PNPT1: variants seen among roughly 807,000 people sequenced by gnomAD.
The protein encoded by PNPT1 is polyribonucleotide nucleotidyltransferase 1.
PNPT1 carries 53 observed loss-of-function variants against 119.5 expected under a neutral mutation model. That is an observed-to-expected ratio of 0.44 (90% CI 0.36 to 0.56). The LOEUF (loss-of-function observed/expected upper bound fraction) is 0.56, where lower values mean the gene tolerates loss of function less well. PNPT1 is among the 20% of genes least tolerant of loss of function. The pLI, the probability that PNPT1 is intolerant of heterozygous loss-of-function variation, is 0.00. For missense variants in PNPT1, 948 were observed against 938.5 expected (o/e 1.01, Z -0.13); for synonymous variants, 357 against 322.1 (o/e 1.11, Z -1.16).
At chr2:55,678,284 T>C (rs1324363123) in intron 8 of PNPT1, among the ~76,000 whole-genome samples, 4 of 152,234 alleles carry the variant, frequency 2.6e-5, no homozygotes, top group African/African-American at 9.6e-5. Context: ...TCATCTATTA[T>C]TCATGGCTTC....
Position 55,693,190 on chromosome 2 carries a change from G to A in PNPT1, c.161+473C>T, listed in dbSNP as rs563187767. ...GGCTCCTGGTGAAGAGGAGGCTGAA[G>A]GAGCCCGAGGAGTGGGACGTGGGGG... is the stretch of plus-strand genomic sequence containing the variant. On this transcript the variant is annotated intron_variant, in intron 1 of 27. Transcript: ENST00000447944. 1.3e-3 allele frequency among the ~76,000 whole-genome samples: 195 copies of A among 152,336 alleles called. 1 individual carries two copies. Among genetic ancestry groups the A allele is most frequent in the Non-Finnish European group, 2.3e-3 (154 of 68,040 alleles).
At chr2:55,669,463 T>A (rs13001425) in intron 11 of PNPT1, among the ~76,000 whole-genome samples, 44 of 152,140 alleles carry the variant, frequency 2.9e-4, no homozygotes, top group African/African-American at 1.1e-3. Context: ...TTAGATTGTA[T>A]CTTCTTCAGA....
chr2:55,667,736 G>T, intron 12 of PNPT1, 126 bp downstream of exon 12: 2 of 1,237,596 alleles, frequency 1.6e-6, no homozygotes, highest in Non-Finnish European at 2.2e-6. Context: ...CATTTATATA[G>T]CAAATATTAT....
In PNPT1 at chr2:55,635,315, ATT is replaced by A. The variant is rs59973143; in HGVS notation, c.*920_*921del. 490 of 137,206 alleles carry A rather than the reference ATT, an allele frequency of 3.6e-3. 1 individual carries two copies. Among genetic ancestry groups the A allele is most frequent in the African/African-American group, 6.3e-3 (231 of 36,848 alleles). The allele number at this position is 137,206 out of a possible 1,614,324, so 8.5% of individuals were successfully genotyped here. ...CCTAGTTCAATTTGATAAGTAAACA[ATT>A]TTTTTTTTTTTTTTGAGACGGAGTT... On this transcript the variant is annotated 3_prime_UTR_variant, in exon 28 of 28. Transcript: ENST00000447944.
At chr2:55,666,959 A>T in intron 13 of PNPT1, 32 bp downstream of exon 13, 2 of 1,413,692 alleles carry the variant, frequency 1.4e-6, no homozygotes, top group African/African-American at 2.9e-5. Context: ...ATCTTAATTT[A>T]GCAAATAATT....
chr2:55,668,573 T>A (rs780895626), intron 11 of PNPT1, among the ~76,000 whole-genome samples: 1 of 151,514 alleles, frequency 6.6e-6, no homozygotes, highest in Non-Finnish European at 1.5e-5. Context: ...ACCAGAAGAA[T>A]CCAGTCAGCC....
At chr2:55,655,985 T>A in intron 17 of PNPT1, 146 bp downstream of exon 17, 1 of 963,664 alleles carries the variant, frequency 1.0e-6, no homozygotes, top group Non-Finnish European at 1.5e-6. Context: ...TTAAGACAAG[T>A]ATTTGATTAA....
intron 8 of PNPT1, among the ~76,000 whole-genome samples, chr2:55,673,473 G>C (rs1696975236): frequency 1.4e-5 from 2 of 147,206 alleles, no homozygotes; most frequent in South Asian, 2.1e-4. Context: ...TTTTGAGACA[G>C]AGTCTCACTC....
chr2:55,654,287 T>TTA (rs1180763716), intron 18 of PNPT1, among the ~76,000 whole-genome samples: 1 of 150,554 alleles, frequency 6.6e-6, no homozygotes, highest in African/African-American at 2.4e-5. Flanking sequence ...TCTCCTAGCA[T>TTA]AATGCTTTCG....
intron 10 of PNPT1, among the ~76,000 whole-genome samples, chr2:55,671,686 T>TAG (rs1696918535): frequency 6.6e-6 from 1 of 152,134 alleles, no homozygotes. Flanking sequence ...ATACAAAAGA[T>TAG]AGCTGAGTGT....
At chr2:55,664,665 C>T (rs538431233) in intron 13 of PNPT1, among the ~76,000 whole-genome samples, 7 of 152,156 alleles carry the variant, frequency 4.6e-5, no homozygotes, top group South Asian at 4.1e-4. Flanking sequence ...AATAAAATGA[C>T]GGTAAATTCA....
chr2:55,647,531 T>C lies in PNPT1; in HGVS notation c.1496-78A>G, dbSNP rs1035152613. 6 of 1,193,824 alleles carry C rather than the reference T, an allele frequency of 5.0e-6. 1 individual carries two copies. Among genetic ancestry groups the C allele is most frequent in the African/African-American group, 3.1e-5 (2 of 64,222 alleles). 74.0% of individuals were successfully genotyped at this position (1,193,824 alleles called of 1,614,324 possible). On this transcript the variant is annotated intron_variant, in intron 18 of 27. Coordinates refer to ENST00000447944, the MANE Select transcript of PNPT1 (RefSeq NM_033109.5). ...AAATATTTATCTATCAATTTTTTTT[T>C]TTTTTTGAGAGGGAGTCTCGGTCTG...
chr2:55,641,889 T>G (rs1031516205), intron 25 of PNPT1, among the ~76,000 whole-genome samples: 5 of 151,884 alleles, frequency 3.3e-5, no homozygotes, highest in African/African-American at 4.8e-5. Flanking sequence ...TCGCCCAGGC[T>G]GGAGTGCAGT....
At chr2:55,675,411 A>T (rs192615379) in intron 8 of PNPT1, among the ~76,000 whole-genome samples, 1 of 152,204 alleles carries the variant, frequency 6.6e-6, no homozygotes, top group Non-Finnish European at 1.5e-5. Context: ...ATGAGATGCT[A>T]TATCTAATAA....
chr2:55,684,896 A>G, intron 4 of PNPT1, 47 bp downstream of exon 4: 1 of 1,443,564 alleles, frequency 6.9e-7, no homozygotes, highest in East Asian at 2.4e-5. Context: ...AGAGATGCTA[A>G]CATAGGCATA....
rs1301042674 is a variant in PNPT1, at chr2:55,667,896, C to T, written c.1039G>A (p.Val347Ile). ...IESFNVVAKE[V>I]FRSIVLNEYK... ...TCATTCAAAACAATACTTCTAAAAA[C>T]TTCCTTTGCAACAACATTGAAGGAT... Residue 347 changes from valine to isoleucine, a missense_variant, in exon 12 of 28, where the codon GTT becomes ATT. By Grantham distance (29) the Val-to-Ile change is conservative. Coordinates refer to ENST00000447944, the MANE Select transcript of PNPT1 (RefSeq NM_033109.5). 4 of 1,586,288 alleles carry T rather than the reference C, an allele frequency of 2.5e-6. No individual in the cohort carries two copies. The highest frequency in any genetic ancestry group is 2.0e-5 in the Admixed American group (1 of 50,466).
At chr2:55,677,047 A>C (rs562831266) in intron 8 of PNPT1, among the ~76,000 whole-genome samples, 1 of 152,330 alleles carries the variant, frequency 6.6e-6, no homozygotes, top group Non-Finnish European at 1.5e-5. Flanking sequence ...TCTTTATGAA[A>C]GCAGAGAGAG....
At position 55,636,288 on chromosome 2, in the gene PNPT1, A is replaced by G. The variant is rs375464915; in HGVS notation, c.2301T>C (p.Ser767=). 4 of 1,613,594 alleles carry G rather than the reference A, an allele frequency of 2.5e-6. No individual in the cohort carries two copies. The highest frequency in any genetic ancestry group is 3.4e-6 in the Non-Finnish European group (4 of 1,179,726). The part of the protein sequence containing the change: ...TTVVRTLNDR[S]SIVMGEPISQ... The stretch of plus-strand genomic sequence containing the variant: ...AAATAGGTTCTCCCATTACAATACT[A>G]CTTCTGTCATTCAAAGTTCTGACCA... The change falls in exon 28 of 28, where the codon AGT becomes AGC. Residue 767 remains serine (S), a synonymous_variant. Coordinates refer to ENST00000447944, the MANE Select transcript of PNPT1 (RefSeq NM_033109.5).
rs558958886 is a variant in PNPT1, at chr2:55,642,569, G to A, written c.2069+589C>T. 6.2e-5 allele frequency among the ~76,000 whole-genome samples: 8 copies of A among 129,226 alleles called. 1 individual carries two copies. Among genetic ancestry groups the A allele is most frequent in the African/African-American group, 2.5e-4 (8 of 31,586 alleles). 84.8% of individuals were successfully genotyped at this position (129,226 alleles called of 152,430 possible). A position where few individuals can be genotyped will look rare whatever the true frequency, so the allele number is the denominator to read the frequency against. On this transcript the variant is annotated intron_variant, in intron 25 of 27. Transcript: ENST00000447944. ...TGCAGTGAGCTGAGATCGCACCACT[G>A]CACTCCAGCCTGGGTGACAGAGCGA...
Sources: gnomAD v4.1 joint callset for allele counts (sites outside exome capture counted in the v4.1 genomes callset) on GRCh38, gnomAD v4.1.1 for gene constraint, MANE v1.5 for transcripts, NCBI Gene and HGNC (gene_info 2026-07-23, HGNC 2026-07-21) for gene names.